C8A: variants seen among roughly 807,000 people sequenced by gnomAD.
C8A encodes complement C8 alpha chain, also known as complement component C8 alpha chain.
In C8A, 67 loss-of-function variants were observed where a neutral mutation model predicts 65.3. That is an observed-to-expected ratio of 1.03 (90% confidence interval 0.84 to 1.26). The LOEUF is 1.26. C8A is among the 50% of genes most tolerant of loss of function. C8A has a pLI of 0.00. For synonymous variants in C8A, 290 were observed against 259.4 expected, an observed-to-expected ratio of 1.12 and a Z score of -1.13; for missense variants, 781 against 723.9, an observed-to-expected ratio of 1.08 and a Z score of -0.90.
intron 7 of C8A, among the ~76,000 whole-genome samples, chr1:56,889,348 A>G (rs1052112520): frequency 3.3e-5 from 5 of 152,166 alleles, no homozygotes; most frequent in African/African-American, 9.7e-5. Context: ...CCTTTTGACA[A>G]ACAGAATCAC....
At chr1:56,901,926 C>G (rs1345625658) in intron 7 of C8A, among the ~76,000 whole-genome samples, 1 of 152,152 alleles carries the variant, frequency 6.6e-6, no homozygotes, top group Admixed American at 6.5e-5. Flanking sequence ...TCATAGAGGT[C>G]AAGCACTCTC....
intron 4 of C8A, among the ~76,000 whole-genome samples, chr1:56,876,525 T>C (rs1227910413): frequency 6.6e-6 from 1 of 151,968 alleles, no homozygotes; most frequent in East Asian, 1.9e-4. Context: ...TCCTGATGTC[T>C]CAGAAAGATA....
At chr1:56,908,178 C>A in intron 9 of C8A, 65 bp downstream of exon 9, 1 of 1,499,826 alleles carries the variant, frequency 6.7e-7, no homozygotes, top group South Asian at 1.1e-5. Context: ...CAGACCAGAT[C>A]ATTTCATATT....
At chr1:56,861,763 T>C (rs944373622) in intron 1 of C8A, among the ~76,000 whole-genome samples, 6 of 152,202 alleles carry the variant, frequency 3.9e-5, no homozygotes, top group Non-Finnish European at 2.9e-5. Context: ...GGAATCTCCA[T>C]GTAACTGGAT....
At position 56,917,826 on chromosome 1, in the gene C8A, T is replaced by G. The variant is rs575956172; in HGVS notation, c.*110T>G. The G allele has an allele frequency of 5.1e-4, 700 of 1,370,938 alleles. No individual in the cohort carries two copies. Among genetic ancestry groups the G allele is most frequent in the Non-Finnish European group, 5.8e-4 (566 of 981,142 alleles). The allele number at this position is 1,370,938 out of a possible 1,614,324, so 84.9% of individuals were successfully genotyped here. ...GAAGATGCAAATCAGCACACTTTTT[T>G]CTTTGTTCTGCCAGCTTCCAGGCCT... On this transcript the variant is annotated 3_prime_UTR_variant, in exon 11 of 11. Transcript: ENST00000361249.
chr1:56,871,421 G>A (rs1644146427), intron 2 of C8A, among the ~76,000 whole-genome samples: 1 of 152,184 alleles, frequency 6.6e-6, no homozygotes, highest in South Asian at 2.1e-4. Flanking sequence ...CCAACAGCTG[G>A]ATACAAGAAT....
rs143814370 is a variant in C8A at position 56,868,735 on chromosome 1, A to G, written c.171+1033A>G. Among the ~76,000 whole-genome samples the G allele has an allele frequency of 2.4e-3, 361 of 152,286 alleles. 1 individual carries two copies. Among genetic ancestry groups the G allele is most frequent in the African/African-American group, 7.9e-3 (329 of 41,564 alleles). Reference sequence around the variant, plus strand: ...AGATGCTCCCTTCCCCACTCGGCATACCACTCACTGCCTGAACCTTGTCTA... The same window carrying G: ...AGATGCTCCCTTCCCCACTCGGCATGCCACTCACTGCCTGAACCTTGTCTA... On this transcript the variant is annotated intron_variant, in intron 2 of 10. Transcript: ENST00000361249.
At chr1:56,886,669 C>G (rs1644302824) in intron 7 of C8A, among the ~76,000 whole-genome samples, 1 of 152,126 alleles carries the variant, frequency 6.6e-6, no homozygotes, top group South Asian at 2.1e-4. Context: ...CTCATCTTTC[C>G]CTTGTTACTG....
intron 1 of C8A, among the ~76,000 whole-genome samples, chr1:56,859,523 G>A (rs906601464): frequency 1.3e-5 from 2 of 152,222 alleles, no homozygotes; most frequent in East Asian, 1.9e-4. Flanking sequence ...TTCTGTGGAG[G>A]AAATAGCATT....
intron 7 of C8A, among the ~76,000 whole-genome samples, chr1:56,890,681 C>T (rs1185358160): frequency 6.6e-6 from 1 of 152,000 alleles, no homozygotes; most frequent in Non-Finnish European, 1.5e-5. Flanking sequence ...GTTCCTGTAA[C>T]TCTCTGGCAC....
At chr1:56,905,065 C>T (rs1644453535) in intron 7 of C8A, among the ~76,000 whole-genome samples, 1 of 152,130 alleles carries the variant, frequency 6.6e-6, no homozygotes, top group South Asian at 2.1e-4. Flanking sequence ...ATTTTTTAAT[C>T]AAAACAATTA....
At chr1:56,868,114 C>T (rs1369784645) in intron 2 of C8A, among the ~76,000 whole-genome samples, 1 of 151,980 alleles carries the variant, frequency 6.6e-6, no homozygotes, top group Non-Finnish European at 1.5e-5. Flanking sequence ...GAGAATTCCA[C>T]TTTCATATAT....
At position 56,870,078 on chromosome 1, in the gene C8A, T is replaced by G. The variant is rs74767498; in HGVS notation, c.171+2376T>G. On this transcript the variant is annotated intron_variant, in intron 2 of 10. Coordinates refer to ENST00000361249, the MANE Select transcript of C8A (RefSeq NM_000562.3). The stretch of plus-strand genomic sequence containing the variant: ...ACTGTTCCTGTTTAAATGTGTCTGA[T>G]CCCTACGTGCTCATTTTGCTCTGAC... Among the ~76,000 whole-genome samples the G allele has an allele frequency of 3.3e-5, 5 of 152,250 alleles. No individual in the cohort carries two copies. In the East Asian group the frequency reaches 9.7e-4, roughly 30 times the overall value.
At chr1:56,864,218 A>G (rs1427575897) in intron 1 of C8A, among the ~76,000 whole-genome samples, 2 of 152,218 alleles carry the variant, frequency 1.3e-5, no homozygotes, top group Non-Finnish European at 2.9e-5. Context: ...TGAAAGATAC[A>G]TAGGAATTAA....
chr1:56,870,053 A>G (rs916895524), intron 2 of C8A, among the ~76,000 whole-genome samples: 10 of 152,102 alleles, frequency 6.6e-5, no homozygotes, highest in African/African-American at 1.9e-4. Flanking sequence ...AGAATCTTAG[A>G]CTGTTCCTGT....
At chr1:56,914,293 T>C (rs1024370274) in intron 10 of C8A, among the ~76,000 whole-genome samples, 1 of 151,918 alleles carries the variant, frequency 6.6e-6, no homozygotes, top group African/African-American at 2.4e-5. Flanking sequence ...GCAGCAAGAA[T>C]GAGGGAGGGG....
rs1644468148 is a variant in C8A at position 56,906,716 on chromosome 1, T to A, written c.1146T>A (p.Ile382=). The A allele has an allele frequency of 1.2e-6, 2 of 1,614,080 alleles. No individual in the cohort carries two copies. The highest frequency in any genetic ancestry group is 4.5e-5 in the East Asian group (2 of 44,862). ...CATGTTTTGGAGGCTCCTTGGGCAT[T>A]CAATATGAAGACAAAATAAATGTTG... ...ITTCFGGSLG[I]QYEDKINVGG... The change falls in exon 8 of 11, where the codon ATT becomes ATA. Residue 382 remains isoleucine, a synonymous_variant. Transcript: ENST00000361249.
chr1:56,873,221 C>T (rs1009281576), intron 2 of C8A, among the ~76,000 whole-genome samples: 24 of 152,276 alleles, frequency 1.6e-4, no homozygotes, highest in Middle Eastern at 3.4e-3. Flanking sequence ...CATGGAATCA[C>T]CTGGAAATAC....
chr1:56,866,874 T>C (rs929802058), intron 1 of C8A, among the ~76,000 whole-genome samples: 9 of 152,174 alleles, frequency 5.9e-5, no homozygotes, highest in South Asian at 4.1e-4. Context: ...GGCTGATTCA[T>C]AAAATGAGGC....
Sources: allele counts gnomAD v4.1 joint callset (sites outside exome capture counted in the v4.1 genomes callset), GRCh38; gene constraint gnomAD v4.1.1; transcripts MANE v1.5; gene names NCBI Gene and HGNC (gene_info 2026-07-23, HGNC 2026-07-21).